C10orf67: variants seen among roughly 807,000 people sequenced by gnomAD.
C10orf67 encodes chromosome 10 open reading frame 67, also known as uncharacterized protein C10orf67, mitochondrial.
A neutral mutation model predicts 35.6 loss-of-function variants in C10orf67; 60 were observed. That is an observed-to-expected ratio of 1.68 (90% CI 1.37 to 2.09). The LOEUF (loss-of-function observed/expected upper bound fraction) is 2.09, where lower values mean the gene tolerates loss of function less well. Ranked by LOEUF, C10orf67 falls within the 30% of genes most tolerant of loss-of-function variation. The probability of loss-of-function intolerance (pLI) is 0.00; values close to 1 mark genes in which losing one functional copy is unlikely to be tolerated. For synonymous variants in C10orf67, 167 were observed against 115.8 expected, an observed-to-expected ratio of 1.44 and a Z score of -2.84; for missense variants, 474 against 330.2, an observed-to-expected ratio of 1.44 and a Z score of -3.38.
intron 1 of C10orf67, among the ~76,000 whole-genome samples, chr10:23,339,402 C>CAAAA (rs34805547): frequency 3.6e-4 from 26 of 72,206 alleles, no homozygotes; most frequent in African/African-American, 5.6e-4. Context: ...AAAAAGGCAG[C>CAAAA]AAAAAAAAAA....
intron 12 of C10orf67, among the ~76,000 whole-genome samples, chr10:23,245,494 A>T (rs1369061817): frequency 2.0e-5 from 3 of 152,250 alleles, no homozygotes; most frequent in Non-Finnish European, 4.4e-5. Flanking sequence ...CAAAATATGT[A>T]AGAAACTCAG....
Position 23,291,293 on chromosome 10 carries a change from A to C in C10orf67, c.703-14T>G. ...GGCAAAAGATTCCTAAAAGATGGAG[A>C]ATGCCATATTCCTAAGCAGGGAGCC... On this transcript the variant is annotated splice_polypyrimidine_tract_variant and intron_variant, in intron 5 of 15. Coordinates refer to ENST00000636213, the MANE Select transcript of C10orf67 (RefSeq NM_001371909.1). 1.4e-6 allele frequency: 1 copy of C among 713,208 alleles called. No individual in the cohort carries two copies. The highest frequency in any genetic ancestry group is 1.5e-5 in the South Asian group (1 of 66,676). The allele number at this position is 713,208 out of a possible 1,614,324, so 44.2% of individuals were successfully genotyped here. A position where few individuals can be genotyped will look rare whatever the true frequency, so the allele number is the denominator to read the frequency against.
At chr10:23,209,998 T>TG (rs758560383) in intron 15 of C10orf67, among the ~76,000 whole-genome samples, 2 of 67,216 alleles carry the variant, frequency 3.0e-5, no homozygotes, top group African/African-American at 1.1e-4. Context: ...AGACCTTGGC[T>TG]AAAAAAAAAA....
chr10:23,279,718 A>C (rs1843310141), intron 8 of C10orf67, among the ~76,000 whole-genome samples: 1 of 152,164 alleles, frequency 6.6e-6, no homozygotes, highest in South Asian at 2.1e-4. Flanking sequence ...AAGATACAAA[A>C]TTATTTCATA....
At chr10:23,330,882 C>T (rs1229211287) in intron 2 of C10orf67, among the ~76,000 whole-genome samples, 1 of 151,954 alleles carries the variant, frequency 6.6e-6, no homozygotes, top group Non-Finnish European at 1.5e-5. Flanking sequence ...GTTTCAACCT[C>T]ACGGTTCAAA....
chr10:23,237,005 T>C (rs929259628), intron 13 of C10orf67, among the ~76,000 whole-genome samples: 4 of 152,326 alleles, frequency 2.6e-5, no homozygotes, highest in Admixed American at 2.6e-4. Flanking sequence ...GTAAGCATAG[T>C]ATCCGACAGG....
At chr10:23,278,982 C>T (rs985678281) in intron 8 of C10orf67, among the ~76,000 whole-genome samples, 4 of 152,214 alleles carry the variant, frequency 2.6e-5, no homozygotes, top group South Asian at 2.1e-4. Flanking sequence ...TCGGTCGCAG[C>T]GGCTCATGCC....
chr10:23,266,137 GC>G lies in C10orf67; in HGVS notation c.1200+124del, dbSNP rs1330085777. ...GTTGGTTTAGAAATAGGCAGCTGGA[GC>G]CCCCCACTCAGGGGGTGAGAACCCG... On this transcript the variant is annotated intron_variant, in intron 10 of 15. Coordinates refer to ENST00000636213, the MANE Select transcript of C10orf67 (RefSeq NM_001371909.1). 1.3e-4 allele frequency: 47 copies of G among 373,806 alleles called. No individual in the cohort carries two copies. The Admixed American group carries it at 2.2e-3, about 18-fold the overall frequency. The allele number at this position is 373,806 out of a possible 1,614,324, so 23.2% of individuals were successfully genotyped here.
At chr10:23,259,328 A>G (rs1056863724) in intron 10 of C10orf67, among the ~76,000 whole-genome samples, 2 of 152,200 alleles carry the variant, frequency 1.3e-5, no homozygotes, top group South Asian at 2.1e-4. Flanking sequence ...AGTGGTTCTT[A>G]TTTAGAGTTG....
At chr10:23,256,606 A>G (rs1181000760) in intron 10 of C10orf67, among the ~76,000 whole-genome samples, 1 of 152,202 alleles carries the variant, frequency 6.6e-6, no homozygotes, top group African/African-American at 2.4e-5. Context: ...ACTTCTGAAG[A>G]TCAAATGTTG....
chr10:23,276,042 C>T (rs1486696842), intron 8 of C10orf67, among the ~76,000 whole-genome samples: 7 of 152,154 alleles, frequency 4.6e-5, no homozygotes, highest in Non-Finnish European at 1.0e-4. Context: ...CACGTTTCTT[C>T]CCATTAGGGT....
chr10:23,284,255 C>A (rs2132242891), intron 7 of C10orf67, among the ~76,000 whole-genome samples: 1 of 151,256 alleles, frequency 6.6e-6, no homozygotes, highest in South Asian at 2.1e-4. Context: ...ACTACAGATT[C>A]TTCCTATATA....
intron 5 of C10orf67, among the ~76,000 whole-genome samples, chr10:23,296,215 TTAAA>T (rs1843876042): frequency 6.6e-6 from 1 of 151,726 alleles, no homozygotes; most frequent in African/African-American, 2.4e-5. Flanking sequence ...TTTAATAGAG[TTAAA>T]TAGAGTGGAA....
At chr10:23,302,795 C>G (rs1844129528) in intron 5 of C10orf67, among the ~76,000 whole-genome samples, 1 of 152,138 alleles carries the variant, frequency 6.6e-6, no homozygotes, top group Admixed American at 6.5e-5. Flanking sequence ...GTTTGTCTAA[C>G]CAGTAAAGCA....
chr10:23,288,116 T>A (rs1843602425), intron 7 of C10orf67, among the ~76,000 whole-genome samples: 1 of 152,234 alleles, frequency 6.6e-6, no homozygotes. Flanking sequence ...ATCCCATCAA[T>A]GTGTATATAC....
chr10:23,235,180 C>T (rs976258955), intron 13 of C10orf67, among the ~76,000 whole-genome samples: 9 of 151,914 alleles, frequency 5.9e-5, no homozygotes, highest in Non-Finnish European at 1.2e-4. Flanking sequence ...GAAATAGACT[C>T]ATACATAGTC....
In C10orf67 at chr10:23,204,267, GA is replaced by G; in HGVS notation, c.1571-13del. On this transcript the variant is annotated splice_polypyrimidine_tract_variant and intron_variant, in intron 15 of 15. Coordinates refer to ENST00000636213, the MANE Select transcript of C10orf67 (RefSeq NM_001371909.1). Reference sequence around the variant, plus strand: ...TTCCGACAACTTCCCTAAACGTGAAGAAAGGTGGACAGACATAAACTTTGTT... The same window carrying G: ...TTCCGACAACTTCCCTAAACGTGAAGAAGGTGGACAGACATAAACTTTGTT... 3.2e-6 allele frequency: 2 copies of G among 629,378 alleles called. No individual in the cohort carries two copies. Among genetic ancestry groups the G allele is most frequent in the South Asian group, 1.9e-5 (1 of 53,782 alleles). 39.0% of individuals were successfully genotyped at this position (629,378 alleles called of 1,614,324 possible). A position where few individuals can be genotyped will look rare whatever the true frequency, so the allele number is the denominator to read the frequency against.
chr10:23,245,810 T>C (rs1842304109), intron 12 of C10orf67, among the ~76,000 whole-genome samples: 1 of 152,160 alleles, frequency 6.6e-6, no homozygotes, highest in African/African-American at 2.4e-5. Flanking sequence ...TCAAAGAACT[T>C]AAAATAGAAC....
intron 10 of C10orf67, among the ~76,000 whole-genome samples, chr10:23,257,784 CAG>C (rs1486008950): frequency 3.3e-5 from 5 of 150,226 alleles, no homozygotes; most frequent in African/African-American, 1.2e-4. Context: ...ACCTGGGTGA[CAG>C]AGTCAGACTC....
Sources: gnomAD v4.1 joint callset for allele counts (sites outside exome capture counted in the v4.1 genomes callset) on GRCh38, gnomAD v4.1.1 for gene constraint, MANE v1.5 for transcripts, NCBI Gene and HGNC (gene_info 2026-07-23, HGNC 2026-07-21) for gene names.